Variants in SPAG16 observed in about 807,000 individuals in gnomAD.
The protein encoded by SPAG16 is sperm associated antigen 16.
Under a neutral mutation model 80.4 loss-of-function variants are expected in SPAG16, and 86 were observed. That is an observed-to-expected ratio of 1.07 (90% CI 0.90 to 1.28). The LOEUF is 1.28. Among genes scored for constraint, SPAG16 ranks in the 50% most tolerant of loss-of-function variants. SPAG16 has a pLI of 0.00. For missense variants in SPAG16, 870 were observed against 765.3 expected (o/e 1.14, Z -1.61); for synonymous variants, 294 against 265.9 (o/e 1.11, Z -1.03).
At chr2:213,961,729 C>A (rs75014207) in intron 12 of SPAG16, among the ~76,000 whole-genome samples, 4,798 of 151,990 alleles carry the variant, frequency 0.032, 98 homozygotes, top group East Asian at 0.078. Flanking sequence ...TAGTGAAAAT[C>A]TCACTGTTCA....
intron 9 of SPAG16, among the ~76,000 whole-genome samples, chr2:213,380,034 A>G (rs1244882063): frequency 2.6e-5 from 4 of 152,206 alleles, no homozygotes; most frequent in Non-Finnish European, 5.9e-5. Flanking sequence ...GACCACTCAG[A>G]GGTGTCCATC....
intron 10 of SPAG16, among the ~76,000 whole-genome samples, chr2:213,551,958 A>G (rs1032440638): frequency 1.3e-5 from 2 of 152,150 alleles, no homozygotes; most frequent in African/African-American, 4.8e-5. Flanking sequence ...TGGGAATTCT[A>G]TGCCATATTT....
At chr2:214,105,088 G>A (rs982351708) in intron 13 of SPAG16, among the ~76,000 whole-genome samples, 2 of 151,968 alleles carry the variant, frequency 1.3e-5, no homozygotes, top group Non-Finnish European at 2.9e-5. Context: ...CTTCCCTCTG[G>A]CTGAATCCAA....
intron 10 of SPAG16, among the ~76,000 whole-genome samples, chr2:213,616,909 C>T (rs1010297383): frequency 1.3e-5 from 2 of 152,052 alleles, no homozygotes; most frequent in Non-Finnish European, 2.9e-5. Context: ...ATGGAGTTAC[C>T]TTGGGGTCTA....
chr2:213,857,739 A>G (rs943032426), intron 10 of SPAG16, among the ~76,000 whole-genome samples: 1 of 152,184 alleles, frequency 6.6e-6, no homozygotes, highest in Admixed American at 6.5e-5. Flanking sequence ...TAAAAACTAT[A>G]TTTTGTAAGG....
intron 11 of SPAG16, among the ~76,000 whole-genome samples, chr2:213,879,585 T>G (rs1298972636): frequency 6.6e-6 from 1 of 152,056 alleles, no homozygotes; most frequent in African/African-American, 2.4e-5. Context: ...TGTAACTAGG[T>G]TGTGAGTGTA....
At chr2:213,617,672 G>A (rs1031428841) in intron 10 of SPAG16, among the ~76,000 whole-genome samples, 1 of 152,028 alleles carries the variant, frequency 6.6e-6, no homozygotes, top group African/African-American at 2.4e-5. Flanking sequence ...AATGAGCAAG[G>A]CATAGTGGCA....
intron 10 of SPAG16, among the ~76,000 whole-genome samples, chr2:213,599,338 A>C (rs760701216): frequency 1.3e-5 from 2 of 152,198 alleles, no homozygotes; most frequent in Non-Finnish European, 2.9e-5. Context: ...CATAAACTAC[A>C]GTTGTCCCTT....
intron 10 of SPAG16, among the ~76,000 whole-genome samples, chr2:213,689,960 A>T (rs1011777596): frequency 6.6e-6 from 1 of 152,166 alleles, no homozygotes; most frequent in Admixed American, 6.5e-5. Context: ...TGAAATTCTT[A>T]TCAAGTCATC....
At chr2:213,573,097 C>T (rs925250293) in intron 10 of SPAG16, among the ~76,000 whole-genome samples, 1 of 152,188 alleles carries the variant, frequency 6.6e-6, no homozygotes, top group Admixed American at 6.5e-5. Flanking sequence ...TGCTTTGGCT[C>T]ACGCACGGTG....
At chr2:213,953,971 A>G (rs904883988) in intron 12 of SPAG16, among the ~76,000 whole-genome samples, 2 of 152,094 alleles carry the variant, frequency 1.3e-5, no homozygotes, top group African/African-American at 2.4e-5. Flanking sequence ...TGCAATGGAT[A>G]TAGATAGATA....
intron 10 of SPAG16, among the ~76,000 whole-genome samples, chr2:213,814,739 G>A (rs1460324056): frequency 2.6e-5 from 4 of 151,980 alleles, no homozygotes; most frequent in Admixed American, 6.6e-5. Flanking sequence ...GCAGTGAGCC[G>A]AGATCGCACC....
intron 15 of SPAG16, among the ~76,000 whole-genome samples, chr2:214,290,394 A>T (rs981472237): frequency 7.7e-6 from 1 of 129,906 alleles, no homozygotes; most frequent in Non-Finnish European, 1.6e-5. Context: ...TCTGATATTT[A>T]CTATTTCTTT....
chr2:213,306,496 C>G (rs2062946315), intron 3 of SPAG16, among the ~76,000 whole-genome samples: 1 of 147,138 alleles, frequency 6.8e-6, no homozygotes, highest in African/African-American at 2.5e-5. Context: ...TCCACTGGCT[C>G]TGAGCCCAGC....
At chr2:213,847,884 C>G (rs944765224) in intron 10 of SPAG16, among the ~76,000 whole-genome samples, 15 of 146,444 alleles carry the variant, frequency 1.0e-4, no homozygotes, top group African/African-American at 3.7e-4. Flanking sequence ...CACACACACA[C>G]AGACATATAA....
intron 9 of SPAG16, among the ~76,000 whole-genome samples, chr2:213,407,749 C>T (rs2068716215): frequency 8.6e-6 from 1 of 116,914 alleles, no homozygotes; most frequent in Admixed American, 9.0e-5. Context: ...AGGAGAGAGG[C>T]AGAGAGAGAC....
At chr2:213,436,754 A>AT (rs1559131859) in intron 9 of SPAG16, among the ~76,000 whole-genome samples, 2 of 152,270 alleles carry the variant, frequency 1.3e-5, no homozygotes, top group East Asian at 3.9e-4. Context: ...ATACCATTTA[A>AT]TTTATTTTCA....
At chr2:213,757,191 T>A (rs2068390306) in intron 10 of SPAG16, among the ~76,000 whole-genome samples, 1 of 152,124 alleles carries the variant, frequency 6.6e-6, no homozygotes, top group Admixed American at 6.5e-5. Context: ...CTCTGAAAAC[T>A]ACAAACATTT....
chr2:213,963,407 A>G (rs1170588816), intron 12 of SPAG16, among the ~76,000 whole-genome samples: 1 of 152,052 alleles, frequency 6.6e-6, no homozygotes, highest in Non-Finnish European at 1.5e-5. Flanking sequence ...GATTTCTACG[A>G]TTTCTACGAT....
Sources: allele counts gnomAD v4.1 joint callset (sites outside exome capture counted in the v4.1 genomes callset), GRCh38; gene constraint gnomAD v4.1.1; transcripts MANE v1.5; gene names NCBI Gene and HGNC (gene_info 2026-07-23, HGNC 2026-07-21).